The following CEP97 variants were observed in gnomAD, a reference collection of about 807,000 sequenced individuals.
CEP97 encodes centrosomal protein 97.
Under a neutral mutation model 73.1 loss-of-function variants are expected in CEP97, and 43 were observed. The observed-to-expected ratio is 0.59, with a 90% CI of 0.46 to 0.76. CEP97 has a LOEUF of 0.76. Ranked by LOEUF, CEP97 falls within the 30% of genes least tolerant of loss-of-function variation. The pLI is 0.00. For missense variants in CEP97, 939 were observed against 1,014.0 expected (o/e 0.93, Z 1.00); for synonymous variants, 337 against 370.0 (o/e 0.91, Z 1.02).
chr3:101,745,465 T>C (rs1014292979), intron 6 of CEP97, among the ~76,000 whole-genome samples: 8 of 152,062 alleles, frequency 5.3e-5, no homozygotes, highest in Admixed American at 2.0e-4. Context: ...GGGTTATTGC[T>C]ATGTTGCCCA....
intron 4 of CEP97, among the ~76,000 whole-genome samples, chr3:101,731,293 T>C (rs546911014): frequency 1.3e-5 from 2 of 151,000 alleles, no homozygotes; most frequent in Non-Finnish European, 2.9e-5. Context: ...CTCGACCTCC[T>C]GGGCTCAAGT....
At position 101,746,873 on chromosome 3, in the gene CEP97, T is replaced by C. The variant is rs533473287; in HGVS notation, c.729-8557T>C. ...CCCATCAAAAAGTGGGCAAAGGACA[T>C]GAACAGACACTTCTCAAAAGAAGAC... is the stretch of plus-strand genomic sequence containing the variant. On this transcript the variant is annotated intron_variant, in intron 6 of 10. Transcript: ENST00000341893. 3.6e-4 allele frequency among the ~76,000 whole-genome samples: 53 copies of C among 148,506 alleles called. 1 individual carries two copies. The highest frequency in any genetic ancestry group is 1.3e-3 in the African/African-American group (51 of 40,350).
rs1939416303 is a variant in CEP97 at position 101,769,839 on chromosome 3, C to T, written c.*4288C>T. The T allele has an allele frequency of 1.3e-5, 2 of 152,058 alleles. No homozygotes were observed. Among genetic ancestry groups the T allele is most frequent in the African/African-American group, 4.8e-5 (2 of 41,414 alleles). 9.4% of individuals were successfully genotyped at this position (152,058 alleles called of 1,614,324 possible). A position where few individuals can be genotyped will look rare whatever the true frequency, so the allele number is the denominator to read the frequency against. ...GCTTTTACTGATCAAGCTTGTTGTGCCATATTAAAATTAAAAGTCAAATAA... is the reference window on the plus strand; with the variant it reads ...GCTTTTACTGATCAAGCTTGTTGTGTCATATTAAAATTAAAAGTCAAATAA... On this transcript the variant is annotated 3_prime_UTR_variant, in exon 11 of 11. Coordinates refer to ENST00000341893, the MANE Select transcript of CEP97 (RefSeq NM_024548.4).
At chr3:101,738,011 CAAA>C (rs770745532) in intron 6 of CEP97, among the ~76,000 whole-genome samples, 20 of 44,220 alleles carry the variant, frequency 4.5e-4, no homozygotes, top group Non-Finnish European at 5.4e-4. Context: ...AAATGGAAAG[CAAA>C]AAAAAAAAAA....
At chr3:101,752,300 C>T (rs1326495024) in intron 6 of CEP97, among the ~76,000 whole-genome samples, 5 of 151,930 alleles carry the variant, frequency 3.3e-5, no homozygotes, top group East Asian at 3.9e-4. Context: ...GTGGGTAACC[C>T]GACCTTTCTC....
At chr3:101,736,652 A>T (rs955395408) in intron 6 of CEP97, among the ~76,000 whole-genome samples, 1 of 152,226 alleles carries the variant, frequency 6.6e-6, no homozygotes, top group Non-Finnish European at 1.5e-5. Context: ...TAGCATCAAC[A>T]TCAACAAAAA....
intron 6 of CEP97, among the ~76,000 whole-genome samples, chr3:101,737,372 A>G (rs1447370015): frequency 6.6e-6 from 1 of 152,156 alleles, no homozygotes; most frequent in East Asian, 1.9e-4. Context: ...GAGAAGAGCA[A>G]CCCCAAGACA....
In CEP97 at chr3:101,755,413, A is replaced by G. The variant is rs377109316; in HGVS notation, c.729-17A>G. The G allele has an allele frequency of 2.5e-6, 4 of 1,611,386 alleles. No individual in the cohort carries two copies. The highest frequency in any genetic ancestry group is 1.3e-5 in the African/African-American group (1 of 74,836). On this transcript the variant is annotated splice_polypyrimidine_tract_variant and intron_variant, in intron 6 of 10. Coordinates refer to ENST00000341893, the MANE Select transcript of CEP97 (RefSeq NM_024548.4). Reference sequence around the variant, plus strand: ...ATTCTCATGCCATCTCCTCTTTTTTATGTTCCCCAATTCCAGTTTGAAAGC... The same window carrying G: ...ATTCTCATGCCATCTCCTCTTTTTTGTGTTCCCCAATTCCAGTTTGAAAGC...
intron 6 of CEP97, among the ~76,000 whole-genome samples, chr3:101,733,040 T>C (rs1938162856): frequency 6.6e-6 from 1 of 152,098 alleles, no homozygotes; most frequent in African/African-American, 2.4e-5. Context: ...GGAGGATTGC[T>C]TGAGCCCAGG....
chr3:101,734,421 A>T (rs1370362168), intron 6 of CEP97, among the ~76,000 whole-genome samples: 4 of 152,208 alleles, frequency 2.6e-5, no homozygotes, highest in Non-Finnish European at 4.4e-5. Context: ...CACATACATT[A>T]TCCCTCGCCT....
At chr3:101,755,364 GT>G in intron 6 of CEP97, 65 bp from the exon 7 acceptor site, 1 of 1,367,764 alleles carries the variant, frequency 7.3e-7, no homozygotes, top group Non-Finnish European at 1.0e-6. Context: ...GAAGATCATT[GT>G]TGCCTGACAA....
intron 6 of CEP97, among the ~76,000 whole-genome samples, chr3:101,736,908 A>G (rs1052952938): frequency 6.6e-6 from 1 of 152,260 alleles, no homozygotes; most frequent in Non-Finnish European, 1.5e-5. Context: ...CTAAAGGAGC[A>G]TATTCTAACC....
intron 6 of CEP97, among the ~76,000 whole-genome samples, chr3:101,748,397 A>G (rs1370272638): frequency 6.6e-6 from 1 of 152,042 alleles, no homozygotes; most frequent in Non-Finnish European, 1.5e-5. Context: ...TTCAAACTTG[A>G]GCCCTTTCTT....
Position 101,768,287 on chromosome 3 carries a change from C to G in CEP97, c.*2736C>G, listed in dbSNP as rs1008963842. The stretch of plus-strand genomic sequence containing the variant: ...TAGTTAGTAGTAAATAAACTGAAAA[C>G]CTATATGCTACTGTAGTCCAAAATT... On this transcript the variant is annotated 3_prime_UTR_variant, in exon 11 of 11. Transcript: ENST00000341893. 7 of 152,232 alleles carry G rather than the reference C, an allele frequency of 4.6e-5. No individual in the cohort carries two copies. The East Asian group carries it at 1.4e-3, about 29-fold the overall frequency. The allele number at this position is 152,232 out of a possible 1,614,324, so 9.4% of individuals were successfully genotyped here.
Position 101,757,117 on chromosome 3 carries a change from T to C in CEP97, c.948T>C (p.Leu316=). 1 of 1,613,594 alleles carries C rather than the reference T, an allele frequency of 6.2e-7. No homozygotes were observed. ...NQSQNEELSP[L]VPVETRASLI... ...GCCAAAATGAAGAGTTGTCTCCTCT[T>C]GTTCCTGTTGAAACAAGGGCATCCC... Residue 316 remains leucine, a synonymous_variant, in exon 8 of 11, where the codon CTT becomes CTC. Transcript: ENST00000341893.
At chr3:101,744,681 C>T (rs1938562266) in intron 6 of CEP97, among the ~76,000 whole-genome samples, 1 of 151,750 alleles carries the variant, frequency 6.6e-6, no homozygotes, top group Non-Finnish European at 1.5e-5. Flanking sequence ...TGTAGTCTGT[C>T]AACAGTGCTC....
At chr3:101,741,899 A>G (rs11710805) in intron 6 of CEP97, among the ~76,000 whole-genome samples, 47,850 of 151,786 alleles carry the variant, frequency 0.32, 7,760 homozygotes, top group Non-Finnish European at 0.35. Flanking sequence ...AAAATTAGCC[A>G]GGTGTGGTGG....
rs1354991711 is a variant in CEP97 at position 101,768,216 on chromosome 3, A to T, written c.*2665A>T. The T allele has an allele frequency of 6.6e-6, 1 of 152,242 alleles. No homozygotes were observed. Among genetic ancestry groups the T allele is most frequent in the African/African-American group, 2.4e-5 (1 of 41,468 alleles). 9.4% of individuals were successfully genotyped at this position (152,242 alleles called of 1,614,324 possible). A position where few individuals can be genotyped will look rare whatever the true frequency, so the allele number is the denominator to read the frequency against. On this transcript the variant is annotated 3_prime_UTR_variant, in exon 11 of 11. Transcript: ENST00000341893. ...CTGTTCGAATCTCTTTGTTTCAAAG[A>T]TGAAACTAAAGCACAGCATGTTAAA...
In CEP97 at chr3:101,739,988, G is replaced by T. The variant is rs540087276; in HGVS notation, c.728+7334G>T. Among the ~76,000 whole-genome samples, 3 of 151,802 alleles carry T rather than the reference G, an allele frequency of 2.0e-5. No individual in the cohort carries two copies. The South Asian group carries it at 6.2e-4, about 32-fold the overall frequency. On this transcript the variant is annotated intron_variant, in intron 6 of 10. Transcript: ENST00000341893. ...TGGAACATATCTCAAAATAATAAGA[G>T]CTATTTATGACAAACCCACAGCCAA...
Sources: gnomAD v4.1 joint callset for allele counts (sites outside exome capture counted in the v4.1 genomes callset) on GRCh38, gnomAD v4.1.1 for gene constraint, MANE v1.5 for transcripts, NCBI Gene and HGNC (gene_info 2026-07-23, HGNC 2026-07-21) for gene names.